ANXA10: variants seen among roughly 807,000 people sequenced by gnomAD.
ANXA10 encodes annexin 14.
In ANXA10, 49 loss-of-function variants were observed where a neutral mutation model predicts 53.5. The ratio of observed to expected loss-of-function variants is 0.92; its 90% CI spans 0.73 to 1.16. The LOEUF (loss-of-function observed/expected upper bound fraction) is 1.16, where lower values mean the gene tolerates loss of function less well. Among genes scored for constraint, ANXA10 ranks in the 50% most tolerant of loss-of-function variants. The pLI is 0.00. For synonymous variants in ANXA10, 131 were observed against 128.9 expected (o/e 1.02, Z -0.11); for missense variants, 393 against 394.4 (o/e 1.00, Z 0.03).
At chr4:168,176,271 TAGCTGCCA>T (rs1732125175) in intron 6 of ANXA10, among the ~76,000 whole-genome samples, 1 of 152,188 alleles carries the variant, frequency 6.6e-6, no homozygotes, top group African/African-American at 2.4e-5. Context: ...TTATCAGTGT[TAGCTGCCA>T]AGATAAGCCA....
intron 1 of ANXA10, among the ~76,000 whole-genome samples, chr4:168,113,955 G>T (rs917389436): frequency 6.6e-6 from 1 of 152,066 alleles, no homozygotes; most frequent in Non-Finnish European, 1.5e-5. Context: ...TTATAGTTTT[G>T]CTGGTTTTAA....
intron 2 of ANXA10, among the ~76,000 whole-genome samples, chr4:168,138,724 A>T (rs1731279354): frequency 6.6e-6 from 1 of 152,220 alleles, no homozygotes; most frequent in Admixed American, 6.5e-5. Context: ...CCAATTCATG[A>T]GCATGAAATA....
chr4:168,182,505 T>C (rs927864490), intron 10 of ANXA10, among the ~76,000 whole-genome samples: 2 of 149,466 alleles, frequency 1.3e-5, no homozygotes, highest in African/African-American at 4.9e-5. Flanking sequence ...TAATTTTGTT[T>C]TGTGTTTTTA....
At chr4:168,146,940 G>C (rs1365367253) in intron 3 of ANXA10, among the ~76,000 whole-genome samples, 2 of 152,178 alleles carry the variant, frequency 1.3e-5, no homozygotes, top group African/African-American at 4.8e-5. Flanking sequence ...TTCTGCACAG[G>C]TGTTTCTGAG....
chr4:168,133,572 C>T (rs920976545), intron 2 of ANXA10, among the ~76,000 whole-genome samples: 8 of 152,094 alleles, frequency 5.3e-5, no homozygotes, highest in Admixed American at 5.2e-4. Context: ...AAAAATATCT[C>T]TTAAATGTTT....
chr4:168,152,829 TTA>T (rs1054098171), intron 3 of ANXA10, among the ~76,000 whole-genome samples: 74 of 148,834 alleles, frequency 5.0e-4, no homozygotes, highest in African/African-American at 1.8e-3. Flanking sequence ...AATATCTATA[TTA>T]TATATATAAA....
chr4:168,117,150 G>C (rs1246222015), intron 1 of ANXA10, among the ~76,000 whole-genome samples: 2 of 152,224 alleles, frequency 1.3e-5, no homozygotes, highest in South Asian at 2.1e-4. Flanking sequence ...GGCTGAGGTG[G>C]GAAGATCACT....
At chr4:168,145,228 A>G (rs1341031422) in intron 3 of ANXA10, among the ~76,000 whole-genome samples, 2 of 152,176 alleles carry the variant, frequency 1.3e-5, no homozygotes, top group African/African-American at 4.8e-5. Flanking sequence ...ATACTGATGT[A>G]GTATTGCTTC....
chr4:168,174,511 C>T (rs1732080068), intron 6 of ANXA10, among the ~76,000 whole-genome samples: 1 of 152,184 alleles, frequency 6.6e-6, no homozygotes, highest in African/African-American at 2.4e-5. Context: ...GCCACAGGAT[C>T]CAGGCCAGGT....
intron 6 of ANXA10, among the ~76,000 whole-genome samples, chr4:168,175,866 A>C (rs193117065): frequency 6.6e-6 from 1 of 152,268 alleles, no homozygotes; most frequent in East Asian, 1.9e-4. Context: ...TAGCTTACTT[A>C]TTTCTTTGTG....
intron 1 of ANXA10, among the ~76,000 whole-genome samples, chr4:168,117,725 A>T (rs2149467646): frequency 6.6e-6 from 1 of 152,356 alleles, no homozygotes; most frequent in African/African-American, 2.4e-5. Flanking sequence ...TTAAAATTGA[A>T]ATAAATGTGA....
At chr4:168,139,716 CAT>C (rs1463708395) in intron 3 of ANXA10, 136 bp downstream of exon 3, 1 of 543,122 alleles carries the variant, frequency 1.8e-6, no homozygotes, top group Non-Finnish European at 3.3e-6. Flanking sequence ...AGATACAGTT[CAT>C]ATTCCTCTTA....
chr4:168,166,631 CGTGTGTGTGTGTGTGTGTGT>C lies in ANXA10; in HGVS notation c.480+1336_480+1355del, dbSNP rs34797848. Among the ~76,000 whole-genome samples, 388 of 136,796 alleles carry C rather than the reference CGTGTGTGTGTGTGTGTGTGT, an allele frequency of 2.8e-3. 1 individual carries two copies. The highest frequency in any genetic ancestry group is 8.8e-3 in the African/African-American group (327 of 37,292). 89.7% of individuals were successfully genotyped at this position (136,796 alleles called of 152,430 possible). ...TTTGGTTTGGTTTGGTTTTGTGTTTCGTGTGTGTGTGTGTGTGTGTGTGTGTGTGTGTGTGTGTGTGTGTG... is the reference window on the plus strand; with the variant it reads ...TTTGGTTTGGTTTGGTTTTGTGTTTCGTGTGTGTGTGTGTGTGTGTGTGTG... On this transcript the variant is annotated intron_variant, in intron 6 of 11. Transcript: ENST00000359299.
At chr4:168,156,317 T>C (rs1731676760) in intron 3 of ANXA10, among the ~76,000 whole-genome samples, 1 of 98,946 alleles carries the variant, frequency 1.0e-5, no homozygotes, top group Non-Finnish European at 2.0e-5. Context: ...ATAGTATATA[T>C]AATATATAAT....
intron 1 of ANXA10, chr4:168,127,673 A>G (rs1731090141): frequency 2.0e-5 from 8 of 396,782 alleles, no homozygotes; most frequent in South Asian, 1.5e-4. Flanking sequence ...ACCAACAGAT[A>G]AAATGAACTC....
At chr4:168,117,317 T>C (rs1257558195) in intron 1 of ANXA10, among the ~76,000 whole-genome samples, 2 of 152,214 alleles carry the variant, frequency 1.3e-5, no homozygotes, top group Non-Finnish European at 2.9e-5. Context: ...CAAAGTGATA[T>C]TTGAACAACT....
chr4:168,177,078 TC>T (rs1732144255), intron 6 of ANXA10, among the ~76,000 whole-genome samples: 2 of 152,046 alleles, frequency 1.3e-5, no homozygotes, highest in South Asian at 4.1e-4. Flanking sequence ...GGAGAAAGCC[TC>T]CCCTCCATAT....
intron 1 of ANXA10, among the ~76,000 whole-genome samples, chr4:168,098,149 T>C (rs957935060): frequency 6.6e-6 from 1 of 152,038 alleles, no homozygotes; most frequent in African/African-American, 2.4e-5. Flanking sequence ...TAACTATATG[T>C]TCTTTTTTTT....
chr4:168,118,648 T>C (rs1474225310), intron 1 of ANXA10, among the ~76,000 whole-genome samples: 1 of 152,212 alleles, frequency 6.6e-6, no homozygotes, highest in African/African-American at 2.4e-5. Flanking sequence ...TTAGAAAATA[T>C]ACTCTGTACT....
Sources: gnomAD v4.1 joint callset for allele counts (sites outside exome capture counted in the v4.1 genomes callset) on GRCh38, gnomAD v4.1.1 for gene constraint, MANE v1.5 for transcripts, NCBI Gene and HGNC (gene_info 2026-07-23, HGNC 2026-07-21) for gene names.